CCDC91: variants seen among roughly 807,000 people sequenced by gnomAD.
CCDC91 encodes coiled-coil domain containing 91, also known as coiled-coil domain-containing protein 91.
In CCDC91, 48 loss-of-function variants were observed where a neutral mutation model predicts 63.2. The observed-to-expected ratio is 0.76, with a 90% confidence interval of 0.60 to 0.97. The LOEUF (loss-of-function observed/expected upper bound fraction) is 0.97. Among genes scored for constraint, CCDC91 ranks in the 50% least tolerant of loss-of-function variants. The pLI is 0.00. For synonymous variants in CCDC91, 167 were observed against 165.8 expected (o/e 1.01, Z -0.06); for missense variants, 500 against 494.6 (o/e 1.01, Z -0.10).
At chr12:28,549,036 C>G (rs754283530) in intron 12 of CCDC91, 27 bp from the exon 13 acceptor site, 1 of 1,432,144 alleles carries the variant, frequency 7.0e-7, no homozygotes, top group Non-Finnish European at 9.8e-7. Flanking sequence ...TTTTCTCTTT[C>G]TCTCTCTCTT....
chr12:28,304,381 AAAAAAAAAAAAAAAAAAAAAG>A (rs1565764674), intron 3 of CCDC91, among the ~76,000 whole-genome samples: 512 of 32,236 alleles, frequency 0.016, 4 homozygotes, highest in African/African-American at 0.034. Flanking sequence ...CGTCTAAAAA[AAAAAAAAAAAAAAAAAAAAAG>A]AAAAAAAAAA....
At chr12:28,503,140 A>G (rs536994531) in intron 12 of CCDC91, among the ~76,000 whole-genome samples, 304 of 152,208 alleles carry the variant, frequency 2.0e-3, no homozygotes, top group Non-Finnish European at 3.7e-3. Context: ...ATCAGAATGA[A>G]CAGGCAACCT....
chr12:28,344,182 A>G (rs984048504), intron 6 of CCDC91, among the ~76,000 whole-genome samples: 2 of 152,144 alleles, frequency 1.3e-5, no homozygotes, highest in Non-Finnish European at 1.5e-5. Context: ...TAAGAATCCA[A>G]TGTAGTCACT....
chr12:28,524,622 T>A (rs1438468261), intron 12 of CCDC91, among the ~76,000 whole-genome samples: 1 of 152,100 alleles, frequency 6.6e-6, no homozygotes, highest in African/African-American at 2.4e-5. Flanking sequence ...CATAGAATGA[T>A]TTAGGGAGGC....
intron 7 of CCDC91, among the ~76,000 whole-genome samples, chr12:28,384,007 A>G (rs1437875999): frequency 6.6e-6 from 1 of 152,178 alleles, no homozygotes; most frequent in Non-Finnish European, 1.5e-5. Flanking sequence ...AATTGGCTAA[A>G]GATATATTTA....
rs192349604 is a variant in CCDC91, at chr12:28,383,854, G to A, written c.655-7450G>A. On this transcript the variant is annotated intron_variant, in intron 7 of 12. Coordinates refer to ENST00000536442, the MANE Select transcript of CCDC91 (RefSeq NM_018318.5). ...CTCTAATACAACCATGTACCTCAGA[G>A]ATTATTGGTTCACTGATCTGAAGCT... Among the ~76,000 whole-genome samples, 16 of 152,242 alleles carry A rather than the reference G, an allele frequency of 1.1e-4. No individual in the cohort carries two copies. The East Asian group carries it at 2.9e-3, about 28-fold the overall frequency.
chr12:28,402,068 G>A (rs1946656095), intron 8 of CCDC91, among the ~76,000 whole-genome samples: 1 of 152,018 alleles, frequency 6.6e-6, no homozygotes, highest in Non-Finnish European at 1.5e-5. Flanking sequence ...CATTGATCTA[G>A]TATTTCTCAG....
intron 3 of CCDC91, among the ~76,000 whole-genome samples, chr12:28,304,375 TAAAAAAAAAAAAAA>T (rs777296414): frequency 5.8e-4 from 43 of 73,580 alleles, no homozygotes; most frequent in Middle Eastern, 8.8e-3. Flanking sequence ...AGACTCCGTC[TAAAAAAAAAAAAAA>T]AAAAAAAAAA....
intron 6 of CCDC91, among the ~76,000 whole-genome samples, chr12:28,356,085 A>C (rs368030089): frequency 1.3e-5 from 2 of 151,946 alleles, no homozygotes; most frequent in East Asian, 3.9e-4. Context: ...ACTGGGGATG[A>C]TTTTGAAGGG....
intron 1 of CCDC91, among the ~76,000 whole-genome samples, chr12:28,192,767 T>A (rs1456576004): frequency 1.3e-5 from 2 of 152,160 alleles, no homozygotes; most frequent in East Asian, 1.9e-4. Flanking sequence ...TTAAAAAAAA[T>A]CAAGTTTTAT....
chr12:28,293,392 A>C (rs1949362746), intron 3 of CCDC91, among the ~76,000 whole-genome samples: 1 of 152,190 alleles, frequency 6.6e-6, no homozygotes, highest in African/African-American at 2.4e-5. Context: ...ATTATAATTA[A>C]CTGGATGGGC....
At chr12:28,233,153 T>C (rs1944714597) in intron 1 of CCDC91, among the ~76,000 whole-genome samples, 1 of 151,926 alleles carries the variant, frequency 6.6e-6, no homozygotes, top group Non-Finnish European at 1.5e-5. Context: ...TTCTGATAAA[T>C]ATATACCTGT....
At chr12:28,245,984 C>A (rs1480597018) in intron 1 of CCDC91, among the ~76,000 whole-genome samples, 1 of 152,118 alleles carries the variant, frequency 6.6e-6, no homozygotes, top group African/African-American at 2.4e-5. Flanking sequence ...TTTCTGGTCT[C>A]AATAACAAAA....
chr12:28,319,971 T>C (rs2137387106), intron 6 of CCDC91, among the ~76,000 whole-genome samples: 1 of 151,978 alleles, frequency 6.6e-6, no homozygotes, highest in Admixed American at 6.6e-5. Flanking sequence ...TCATTTATTA[T>C]TGTGAGAGAT....
chr12:28,497,417 T>G (rs1252454545), intron 12 of CCDC91, among the ~76,000 whole-genome samples: 1 of 151,424 alleles, frequency 6.6e-6, no homozygotes, highest in African/African-American at 2.4e-5. Context: ...AGTATACAGG[T>G]TTTTTGGTAT....
intron 1 of CCDC91, among the ~76,000 whole-genome samples, chr12:28,221,338 C>T (rs193236713): frequency 5.3e-5 from 8 of 151,736 alleles, no homozygotes; most frequent in South Asian, 4.2e-4. Flanking sequence ...CTTTTATGTC[C>T]GCTGATTCTC....
chr12:28,199,647 C>G (rs1345434130), intron 1 of CCDC91, among the ~76,000 whole-genome samples: 2 of 152,166 alleles, frequency 1.3e-5, no homozygotes, highest in Admixed American at 1.3e-4. Context: ...AGCATACATT[C>G]TCTTTGGTTT....
At chr12:28,361,679 G>A (rs548736785) in intron 6 of CCDC91, among the ~76,000 whole-genome samples, 1 of 151,502 alleles carries the variant, frequency 6.6e-6, no homozygotes, top group Non-Finnish European at 1.5e-5. Context: ...CATAGATCTA[G>A]AATTTCTATT....
chr12:28,372,457 G>T (rs1944677270), intron 7 of CCDC91, among the ~76,000 whole-genome samples: 1 of 152,016 alleles, frequency 6.6e-6, no homozygotes, highest in Non-Finnish European at 1.5e-5. Flanking sequence ...TCCAGTCCAT[G>T]ATTATGAGAT....
Sources: gnomAD v4.1 joint callset for allele counts (sites outside exome capture counted in the v4.1 genomes callset) on GRCh38, gnomAD v4.1.1 for gene constraint, MANE v1.5 for transcripts, NCBI Gene and HGNC (gene_info 2026-07-23, HGNC 2026-07-21) for gene names.